The following AGBL4 variants were observed in gnomAD, a reference collection of about 807,000 sequenced individuals.
AGBL4 encodes the protein cytosolic carboxypeptidase 6.
Under a neutral mutation model 66.4 loss-of-function variants are expected in AGBL4, and 58 were observed. The ratio of observed to expected loss-of-function variants is 0.87; its 90% CI spans 0.71 to 1.09. The LOEUF (loss-of-function observed/expected upper bound fraction) is 1.09, where lower values mean the gene tolerates loss of function less well. Ranked by LOEUF, AGBL4 falls within the 50% of genes least tolerant of loss-of-function variation. The pLI is 0.00. For missense variants in AGBL4, 579 were observed against 631.0 expected, an observed-to-expected ratio of 0.92 and a Z score of 0.88; for synonymous variants, 234 against 222.9, an observed-to-expected ratio of 1.05 and a Z score of -0.44.
At chr1:49,973,389 C>A (rs1412442932) in intron 1 of AGBL4, among the ~76,000 whole-genome samples, 1 of 152,004 alleles carries the variant, frequency 6.6e-6, no homozygotes, top group East Asian at 1.9e-4. Context: ...CAATGGCCAC[C>A]CTTCAAATGC....
chr1:49,015,779 T>TACC (rs1002425886), intron 5 of AGBL4, among the ~76,000 whole-genome samples: 3 of 152,160 alleles, frequency 2.0e-5, no homozygotes, highest in African/African-American at 4.8e-5. Flanking sequence ...AATTAGCATG[T>TACC]ACCACTTACA....
chr1:49,245,401 AG>A (rs1158460219), intron 4 of AGBL4, among the ~76,000 whole-genome samples: 1 of 151,614 alleles, frequency 6.6e-6, no homozygotes, highest in Non-Finnish European at 1.5e-5. Flanking sequence ...AAAAAAAAAA[AG>A]AACCAACTTT....
At chr1:49,764,078 C>T (rs1055592896) in intron 2 of AGBL4, among the ~76,000 whole-genome samples, 3 of 152,166 alleles carry the variant, frequency 2.0e-5, no homozygotes, top group African/African-American at 4.8e-5. Context: ...ACATCTGCTG[C>T]TCCTCACAGC....
At chr1:48,818,298 A>C (rs1481149517) in intron 6 of AGBL4, 1 of 716,534 alleles carries the variant, frequency 1.4e-6, no homozygotes, top group Non-Finnish European at 2.6e-6. Flanking sequence ...TCACCGAAGG[A>C]AAATATTTAT....
At chr1:49,446,054 G>T (rs941507678) in intron 3 of AGBL4, among the ~76,000 whole-genome samples, 1 of 151,998 alleles carries the variant, frequency 6.6e-6, no homozygotes, top group Non-Finnish European at 1.5e-5. Flanking sequence ...GTTTCGTCTT[G>T]TTGGCCAGGC....
chr1:49,521,861 G>C (rs1394126102), intron 3 of AGBL4, among the ~76,000 whole-genome samples: 2 of 151,910 alleles, frequency 1.3e-5, no homozygotes, highest in Non-Finnish European at 2.9e-5. Context: ...TATCAACAGA[G>C]CAAACAGACA....
rs1287821389 is a variant in AGBL4 at position 49,109,713 on chromosome 1, T to C, written c.378-63913A>G. ...GCTTAAACTCTGGTGAATCACTAGA[T>C]TGACTAATCTTAATTTACCTACCAA... On this transcript the variant is annotated intron_variant, in intron 4 of 13. Transcript: ENST00000371839. 2.6e-5 allele frequency among the ~76,000 whole-genome samples: 4 copies of C among 152,168 alleles called. No homozygotes were observed. In the South Asian group the frequency reaches 8.3e-4, roughly 32 times the overall value.
chr1:48,807,679 C>A (rs1239836600), intron 6 of AGBL4, among the ~76,000 whole-genome samples: 1 of 152,090 alleles, frequency 6.6e-6, no homozygotes, highest in East Asian at 1.9e-4. Context: ...TTTTATCCAG[C>A]CAATTTATAG....
At chr1:48,527,682 T>C in the AGBL4 span, among the ~76,000 whole-genome samples, 2 of 150,862 alleles carry the variant, frequency 1.3e-5, no homozygotes, top group Non-Finnish European at 3.0e-5. Context: ...CTGCTAAGAC[T>C]GGGAGGATAT....
At chr1:49,137,698 T>C (rs747870045) in intron 4 of AGBL4, among the ~76,000 whole-genome samples, 27 of 152,088 alleles carry the variant, frequency 1.8e-4, no homozygotes, top group African/African-American at 5.6e-4. Context: ...AATGTCATAA[T>C]TGGGCATCTT....
intron 3 of AGBL4, among the ~76,000 whole-genome samples, chr1:49,476,140 A>AT (rs200187353): frequency 6.6e-5 from 10 of 151,528 alleles, no homozygotes; most frequent in Non-Finnish European, 8.8e-5. Flanking sequence ...ATTTCAAAGA[A>AT]TTTTTTTTTA....
At chr1:49,561,383 T>A (rs1323789153) in intron 3 of AGBL4, among the ~76,000 whole-genome samples, 5 of 151,894 alleles carry the variant, frequency 3.3e-5, no homozygotes, top group Non-Finnish European at 7.4e-5. Context: ...TGTACACATG[T>A]GCCATGTTGG....
In AGBL4 at chr1:49,738,783, C is replaced by A. The variant is rs190214834; in HGVS notation, c.158-41346G>T. 1.1e-3 allele frequency among the ~76,000 whole-genome samples: 168 copies of A among 152,300 alleles called. 2 individuals are homozygous for A. Among genetic ancestry groups the A allele is most frequent in the Admixed American group, 3.3e-3 (51 of 15,302 alleles). On this transcript the variant is annotated intron_variant, in intron 2 of 13. Coordinates refer to ENST00000371839, the MANE Select transcript of AGBL4 (RefSeq NM_032785.4). ...GTTCTGCAGCCTCTGCTGCTCATAC[C>A]CAGGCAAACAGGGTCTGGAGTGGAC...
At chr1:49,742,589 G>A (rs560803461) in intron 2 of AGBL4, among the ~76,000 whole-genome samples, 17 of 151,500 alleles carry the variant, frequency 1.1e-4, no homozygotes, top group African/African-American at 2.4e-4. Flanking sequence ...AGCCCGCATC[G>A]CCAAGTCAAT....
At chr1:49,873,589 G>A (rs941105539) in intron 1 of AGBL4, among the ~76,000 whole-genome samples, 1 of 152,056 alleles carries the variant, frequency 6.6e-6, no homozygotes, top group African/African-American at 2.4e-5. Context: ...GTAAAGTGCT[G>A]ATTTACTGAG....
chr1:48,539,826 A>G (rs1644035468), intron 11 of AGBL4, 88 bp from the exon 12 acceptor site: 1 of 885,140 alleles, frequency 1.1e-6, no homozygotes, highest in Non-Finnish European at 1.6e-6. Flanking sequence ...TAACAGTAAT[A>G]AAAACAGTTA....
chr1:49,819,447 A>G (rs4495760), intron 2 of AGBL4, among the ~76,000 whole-genome samples: 103,798 of 152,042 alleles, frequency 0.68, 36,146 homozygotes, highest in African/African-American at 0.77. Context: ...AAGCAGGACA[A>G]GGTTCATTAT....
At chr1:48,882,071 A>G (rs1343225330) in intron 5 of AGBL4, among the ~76,000 whole-genome samples, 1 of 152,210 alleles carries the variant, frequency 6.6e-6, no homozygotes, top group Non-Finnish European at 1.5e-5. Context: ...GAAGTCTGGA[A>G]TTCCTGGGCA....
chr1:48,543,212 G>C (rs1195945390), intron 11 of AGBL4, among the ~76,000 whole-genome samples: 2 of 152,194 alleles, frequency 1.3e-5, no homozygotes, highest in Non-Finnish European at 2.9e-5. Flanking sequence ...CCTGACTCAG[G>C]AGTAGGTGAG....
Sources: allele counts gnomAD v4.1 joint callset (sites outside exome capture counted in the v4.1 genomes callset), GRCh38; gene constraint gnomAD v4.1.1; transcripts MANE v1.5; gene names NCBI Gene and HGNC (gene_info 2026-07-23, HGNC 2026-07-21).